LPXN: variants seen among roughly 807,000 people sequenced by gnomAD.
LPXN encodes leupaxin.
A neutral mutation model predicts 45.6 loss-of-function variants in LPXN; 28 were observed. The observed-to-expected ratio is 0.61, with a 90% CI of 0.45 to 0.84. The LOEUF is 0.84. Ranked by LOEUF, LPXN falls within the 40% of genes least tolerant of loss-of-function variation. The probability of loss-of-function intolerance (pLI) is 0.00; values close to 1 mark genes in which losing one functional copy is unlikely to be tolerated. For synonymous variants in LPXN, 166 were observed against 169.9 expected (o/e 0.98, Z 0.18); for missense variants, 459 against 475.0 (o/e 0.97, Z 0.31).
At chr11:58,559,482 A>G (rs1232186945) in intron 3 of LPXN, among the ~76,000 whole-genome samples, 2 of 152,222 alleles carry the variant, frequency 1.3e-5, no homozygotes, top group Non-Finnish European at 2.9e-5. Flanking sequence ...ATGCTATAGA[A>G]TAACATGCAA....
chr11:58,563,240 G>C (rs961250199), intron 3 of LPXN, among the ~76,000 whole-genome samples: 1 of 152,150 alleles, frequency 6.6e-6, no homozygotes, highest in Non-Finnish European at 1.5e-5. Flanking sequence ...GGGCTTCAGG[G>C]ACTGGGGAGG....
intron 1 of LPXN, among the ~76,000 whole-genome samples, chr11:58,575,250 G>T (rs1854845857): frequency 6.6e-6 from 1 of 152,144 alleles, no homozygotes; most frequent in South Asian, 2.1e-4. Flanking sequence ...ATGCCTTCTT[G>T]ATTTAATACT....
intron 3 of LPXN, among the ~76,000 whole-genome samples, chr11:58,562,634 C>A (rs1854411691): frequency 6.6e-6 from 1 of 152,192 alleles, no homozygotes; most frequent in South Asian, 2.1e-4. Context: ...CACTGAATAA[C>A]CCAGAAGTCA....
Position 58,528,275 on chromosome 11 carries a change from T to A in LPXN, c.743-84A>T, listed in dbSNP as rs898244477. On this transcript the variant is annotated intron_variant, in intron 7 of 8. Coordinates refer to ENST00000395074, the MANE Select transcript of LPXN (RefSeq NM_004811.3). ...AGACTGAGAGGAGGCCCTTTCAATC[T>A]CAGTGTCCTCATATTCAAAATAGGA... 3 of 1,280,850 alleles carry A rather than the reference T, an allele frequency of 2.3e-6. No individual in the cohort carries two copies. The African/African-American group carries it at 4.5e-5, about 19-fold the overall frequency. The allele number at this position is 1,280,850 out of a possible 1,614,324, so 79.3% of individuals were successfully genotyped here.
rs764217622 is a variant in LPXN at position 58,549,349 on chromosome 11, G to A, written c.742+437C>T. On this transcript the variant is annotated intron_variant, in intron 7 of 8. Transcript: ENST00000395074. ...GTGGAGGTTGCAGTGGGCGGAGATC[G>A]CACCAGAGATCGCACCACTGCACTC... Among the ~76,000 whole-genome samples the A allele has an allele frequency of 1.6e-4, 24 of 152,164 alleles. 1 individual carries two copies. The highest frequency in any genetic ancestry group is 4.2e-4 in the South Asian group (2 of 4,818).
intron 2 of LPXN, among the ~76,000 whole-genome samples, chr11:58,565,607 C>A (rs1854506073): frequency 6.6e-6 from 1 of 151,812 alleles, no homozygotes; most frequent in African/African-American, 2.4e-5. Context: ...ATAATTCTAT[C>A]CAAAATTTAT....
At chr11:58,569,687 C>A (rs1474264462) in intron 2 of LPXN, among the ~76,000 whole-genome samples, 1 of 152,054 alleles carries the variant, frequency 6.6e-6, no homozygotes, top group Non-Finnish European at 1.5e-5. Flanking sequence ...ACTGCACCTG[C>A]CCTAGGTTTT....
intron 7 of LPXN, among the ~76,000 whole-genome samples, chr11:58,543,784 T>TCTAC (rs1853800754): frequency 6.6e-6 from 1 of 152,154 alleles, no homozygotes; most frequent in South Asian, 2.1e-4. Flanking sequence ...ATATGAGAGT[T>TCTAC]CTACCTCTTC....
Position 58,575,774 on chromosome 11 carries a change from G to A in LPXN, c.-2C>T. ...TCCTCACTCACCTAACTCTTCCATT[G>A]TCCTACATCCAAGATGCTCTTGTCT... On this transcript the variant is annotated 5_prime_UTR_variant, in exon 1 of 9. Coordinates refer to ENST00000395074, the MANE Select transcript of LPXN (RefSeq NM_004811.3). 1 of 1,614,108 alleles carries A rather than the reference G, an allele frequency of 6.2e-7. No individual in the cohort carries two copies. The highest frequency in any genetic ancestry group is 8.5e-7 in the Non-Finnish European group (1 of 1,180,014).
rs192017199 is a variant in LPXN, at chr11:58,552,024, A to T, written c.319-792T>A. Among the ~76,000 whole-genome samples, 914 of 152,330 alleles carry T rather than the reference A, an allele frequency of 6.0e-3. 4 individuals carry two copies. Among genetic ancestry groups the T allele is most frequent in the Non-Finnish European group, 9.6e-3 (652 of 68,024 alleles). ...GGTGATGGAGAGAGAGGCAAAGATCACATAGGAACCTCATGGTAAACGCTT... is the reference window on the plus strand; with the variant it reads ...GGTGATGGAGAGAGAGGCAAAGATCTCATAGGAACCTCATGGTAAACGCTT... On this transcript the variant is annotated intron_variant, in intron 4 of 8. Transcript: ENST00000395074.
intron 3 of LPXN, among the ~76,000 whole-genome samples, chr11:58,563,694 T>C (rs935317530): frequency 6.6e-6 from 1 of 152,242 alleles, no homozygotes; most frequent in African/African-American, 2.4e-5. Context: ...CTACCCACTA[T>C]ACAAATTTTG....
rs535484753 is a variant in LPXN at position 58,543,405 on chromosome 11, G to T, written c.742+6381C>A. On this transcript the variant is annotated intron_variant, in intron 7 of 8. Transcript: ENST00000395074. ...TATGCATAAATAGATTAACTTTTAC[G>T]TAAGAATCCCTCCTTAGTATTTACT... Among the ~76,000 whole-genome samples the T allele has an allele frequency of 2.6e-5, 4 of 152,064 alleles. No homozygotes were observed. The South Asian group carries it at 8.3e-4, about 32-fold the overall frequency.
At chr11:58,541,223 A>G (rs959566854) in intron 7 of LPXN, among the ~76,000 whole-genome samples, 4 of 152,218 alleles carry the variant, frequency 2.6e-5, no homozygotes, top group Non-Finnish European at 5.9e-5. Context: ...TCTGCACAGC[A>G]AAAGAAACTA....
intron 1 of LPXN, among the ~76,000 whole-genome samples, chr11:58,573,229 A>C (rs931854610): frequency 2.0e-5 from 3 of 149,208 alleles, no homozygotes; most frequent in Non-Finnish European, 4.4e-5. Flanking sequence ...CTGGGCAACA[A>C]GAGCAAAACT....
At position 58,572,670 on chromosome 11, in the gene LPXN, GAATT is replaced by G. The variant is rs566064276; in HGVS notation, c.14-1961_14-1958del. ...GATAATGGTATTTTACAATATTAAG[GAATT>G]AATATTAAGGCTGTTGTTATGGCAA... is the stretch of plus-strand genomic sequence containing the variant. On this transcript the variant is annotated intron_variant, in intron 1 of 8. Coordinates refer to ENST00000395074, the MANE Select transcript of LPXN (RefSeq NM_004811.3). Among the ~76,000 whole-genome samples, 794 of 151,996 alleles carry G rather than the reference GAATT, an allele frequency of 5.2e-3. 2 individuals are homozygous for G. The highest frequency in any genetic ancestry group is 0.01 in the South Asian group (50 of 4,808).
At chr11:58,545,071 A>T (rs1853839051) in intron 7 of LPXN, among the ~76,000 whole-genome samples, 1 of 152,190 alleles carries the variant, frequency 6.6e-6, no homozygotes, top group Non-Finnish European at 1.5e-5. Context: ...ACCTTTTTAC[A>T]GAAAGCCAGG....
chr11:58,575,775 T>C lies in LPXN; in HGVS notation c.-3A>G. 2.5e-6 allele frequency: 4 copies of C among 1,614,210 alleles called. No individual in the cohort carries two copies. The highest frequency in any genetic ancestry group is 1.1e-5 in the South Asian group (1 of 91,090). On this transcript the variant is annotated 5_prime_UTR_variant, in exon 1 of 9. Coordinates refer to ENST00000395074, the MANE Select transcript of LPXN (RefSeq NM_004811.3). ...CCTCACTCACCTAACTCTTCCATTG[T>C]CCTACATCCAAGATGCTCTTGTCTC...
chr11:58,567,970 C>T (rs991424107), intron 2 of LPXN, among the ~76,000 whole-genome samples: 1 of 152,104 alleles, frequency 6.6e-6, no homozygotes, highest in African/African-American at 2.4e-5. Context: ...AATTACTTAG[C>T]CTCTATTTCC....
At chr11:58,550,234 A>C (rs907365964) in intron 5 of LPXN, 88 bp from the exon 6 acceptor site, 17 of 1,237,294 alleles carry the variant, frequency 1.4e-5, no homozygotes, top group Non-Finnish European at 1.9e-5. Flanking sequence ...CACTCTTCAC[A>C]TTGTACCCCT....
Sources: allele counts gnomAD v4.1 joint callset (sites outside exome capture counted in the v4.1 genomes callset), GRCh38; gene constraint gnomAD v4.1.1; transcripts MANE v1.5; gene names NCBI Gene and HGNC (gene_info 2026-07-23, HGNC 2026-07-21).